SAMD3: variants seen among roughly 807,000 people sequenced by gnomAD.
The protein encoded by SAMD3 is sterile alpha motif domain containing 3, also known as sterile alpha motif domain-containing protein 3.
In SAMD3, 63 loss-of-function variants were observed where a neutral mutation model predicts 58.5. The observed-to-expected ratio is 1.08, with a 90% confidence interval of 0.88 to 1.33. SAMD3 has a LOEUF of 1.33. Among genes scored for constraint, SAMD3 ranks in the 40% most tolerant of loss-of-function variants. The pLI, the probability that SAMD3 is intolerant of heterozygous loss-of-function variation, is 0.00. For missense variants in SAMD3, 604 were observed against 608.4 expected, an observed-to-expected ratio of 0.99 and a Z score of 0.08; for synonymous variants, 220 against 210.3, an observed-to-expected ratio of 1.05 and a Z score of -0.40.
In SAMD3 at chr6:130,191,630, T is replaced by C. The variant is rs559628470; in HGVS notation, c.384-7007A>G. Among the ~76,000 whole-genome samples, 4 of 152,170 alleles carry C rather than the reference T, an allele frequency of 2.6e-5. No individual in the cohort carries two copies. In the South Asian group the frequency reaches 6.2e-4, roughly 24 times the overall value. On this transcript the variant is annotated intron_variant, in intron 5 of 11. Transcript: ENST00000439090. ...TAAAACTGTTGCTTCCTTCCTTTTTTTTTTTTTTAACTGAGCCGCAGTTTC... is the reference window on the plus strand; with the variant it reads ...TAAAACTGTTGCTTCCTTCCTTTTTCTTTTTTTTAACTGAGCCGCAGTTTC...
chr6:130,181,330 CT>C (rs1021040509), intron 7 of SAMD3, among the ~76,000 whole-genome samples: 1 of 152,174 alleles, frequency 6.6e-6, no homozygotes, highest in African/African-American at 2.4e-5. Context: ...TTCTCCACCC[CT>C]GCCTCCCATT....
chr6:130,209,505 A>G lies in SAMD3; in HGVS notation c.373T>C (p.Leu125=). Residue 125 remains leucine, a synonymous_variant, in exon 5 of 12, where the codon TTG becomes CTG. Coordinates refer to ENST00000439090, the MANE Select transcript of SAMD3 (RefSeq NM_001017373.4). ...AGTTGGTACCCCCACCTCTGTTTCA[A>G]TACTCTTTGGTCAATTAGTCCATTA... is the stretch of plus-strand genomic sequence containing the variant. ...LDNGLIDQRV[L]KQRRNVKQIL... 1 of 1,600,698 alleles carries G rather than the reference A, an allele frequency of 6.2e-7. No individual in the cohort carries two copies. Among genetic ancestry groups the G allele is most frequent in the Non-Finnish European group, 8.6e-7 (1 of 1,167,886 alleles).
At chr6:130,203,450 G>T (rs1411229570) in intron 5 of SAMD3, among the ~76,000 whole-genome samples, 1 of 152,122 alleles carries the variant, frequency 6.6e-6, no homozygotes, top group Non-Finnish European at 1.5e-5. Context: ...TTATTAGCAG[G>T]TTTGACATCC....
chr6:130,305,561 C>T (rs914967859), intron 2 of SAMD3, among the ~76,000 whole-genome samples: 2 of 152,014 alleles, frequency 1.3e-5, no homozygotes, highest in African/African-American at 4.8e-5. Flanking sequence ...TTCCCTTTTT[C>T]ATGTTATGAA....
chr6:130,184,213 G>A (rs376077211), intron 6 of SAMD3, 26 bp from the exon 7 acceptor site: 3 of 1,572,138 alleles, frequency 1.9e-6, no homozygotes, highest in Non-Finnish European at 2.6e-6. Context: ...AGGAGGATAT[G>A]TTTCACTTCA....
At chr6:130,242,927 G>C (rs551316580) in intron 2 of SAMD3, among the ~76,000 whole-genome samples, 1 of 152,330 alleles carries the variant, frequency 6.6e-6, no homozygotes, top group South Asian at 2.1e-4. Context: ...GCAGGTGTCA[G>C]CTGTGGCCAT....
At chr6:130,220,941 C>T (rs1443493081) in intron 1 of SAMD3, among the ~76,000 whole-genome samples, 1 of 152,078 alleles carries the variant, frequency 6.6e-6, no homozygotes, top group East Asian at 1.9e-4. Flanking sequence ...GCAAGCTCCG[C>T]CTCCCGGGTT....
At chr6:130,363,716 G>A (rs1039539281) in intron 1 of SAMD3, among the ~76,000 whole-genome samples, 5 of 152,140 alleles carry the variant, frequency 3.3e-5, no homozygotes, top group Non-Finnish European at 7.4e-5. Flanking sequence ...TGGATTACAG[G>A]ACACTTGGAT....
intron 2 of SAMD3, among the ~76,000 whole-genome samples, chr6:130,246,054 C>T (rs1773533212): frequency 6.6e-6 from 1 of 151,996 alleles, no homozygotes; most frequent in Non-Finnish European, 1.5e-5. Flanking sequence ...ACAGCCATTC[C>T]CCCAGTTGCA....
intron 1 of SAMD3, among the ~76,000 whole-genome samples, chr6:130,340,426 A>G (rs769888698): frequency 6.6e-6 from 1 of 152,200 alleles, no homozygotes; most frequent in Non-Finnish European, 1.5e-5. Context: ...AAGGATCCTG[A>G]GGATTCCACT....
intron 9 of SAMD3, 128 bp from the exon 10 acceptor site, chr6:130,146,309 A>C: frequency 2.2e-6 from 1 of 459,158 alleles, no homozygotes; most frequent in Non-Finnish European, 3.6e-6. Flanking sequence ...ATATTTTAGA[A>C]GTTTTAGTGG....
intron 2 of SAMD3, chr6:130,215,741 A>G: frequency 6.6e-7 from 1 of 1,504,068 alleles, no homozygotes. Flanking sequence ...AGGATCAGAT[A>G]AAAGCCTGAC....
intron 2 of SAMD3, among the ~76,000 whole-genome samples, chr6:130,238,888 A>T (rs1053213687): frequency 6.6e-6 from 1 of 152,118 alleles, no homozygotes; most frequent in South Asian, 2.1e-4. Context: ...CCTCCCGAGT[A>T]GCTGGGATTA....
At chr6:130,334,377 G>A (rs9483112) in intron 1 of SAMD3, among the ~76,000 whole-genome samples, 21,560 of 150,640 alleles carry the variant, frequency 0.14, 1,824 homozygotes, top group East Asian at 0.36. Flanking sequence ...TGGTCCTCAC[G>A]GCATTGGGTT....
At chr6:130,184,942 C>G (rs1239494973) in intron 5 of SAMD3, among the ~76,000 whole-genome samples, 1 of 152,136 alleles carries the variant, frequency 6.6e-6, no homozygotes, top group African/African-American at 2.4e-5. Context: ...TAGCTCAAAA[C>G]TAGACAATAT....
At chr6:130,164,618 C>A (rs1790560958) in intron 8 of SAMD3, among the ~76,000 whole-genome samples, 1 of 152,096 alleles carries the variant, frequency 6.6e-6, no homozygotes, top group African/African-American at 2.4e-5. Flanking sequence ...CACCTGATAA[C>A]CCCCACACTT....
intron 1 of SAMD3, among the ~76,000 whole-genome samples, chr6:130,332,451 A>C (rs770562772): frequency 8.5e-5 from 13 of 152,200 alleles, no homozygotes; most frequent in Non-Finnish European, 1.8e-4. Flanking sequence ...AATAGTTAGA[A>C]TTTGACAGAG....
At chr6:130,256,725 T>C (rs114981295) in intron 2 of SAMD3, among the ~76,000 whole-genome samples, 2,803 of 152,288 alleles carry the variant, frequency 0.018, 76 homozygotes, top group African/African-American at 0.063. Context: ...TGAAACAGAA[T>C]TGACATAAAA....
intron 2 of SAMD3, among the ~76,000 whole-genome samples, chr6:130,245,630 G>T (rs974737596): frequency 2.0e-5 from 3 of 152,184 alleles, no homozygotes; most frequent in East Asian, 1.9e-4. Context: ...AATAAGTGAG[G>T]CCCCCCAATA....
Sources: gnomAD v4.1 joint callset for allele counts (sites outside exome capture counted in the v4.1 genomes callset) on GRCh38, gnomAD v4.1.1 for gene constraint, MANE v1.5 for transcripts, NCBI Gene and HGNC (gene_info 2026-07-23, HGNC 2026-07-21) for gene names.